Variants in BTRC observed in about 807,000 individuals in gnomAD.
BTRC encodes the protein F-box/WD repeat-containing protein 1A.
In BTRC, 42 loss-of-function variants were observed where a neutral mutation model predicts 85.5. That is an observed-to-expected ratio of 0.49 (90% CI 0.38 to 0.64). The LOEUF is 0.64. Ranked by LOEUF, BTRC falls within the 30% of genes least tolerant of loss-of-function variation. BTRC has a pLI of 0.00. For missense variants in BTRC, 594 were observed against 743.5 expected (o/e 0.80, Z 2.34); for synonymous variants, 255 against 263.3 (o/e 0.97, Z 0.30).
chr10:101,493,225 CA>C (rs990671082), intron 4 of BTRC, among the ~76,000 whole-genome samples: 1 of 151,588 alleles, frequency 6.6e-6, no homozygotes, highest in African/African-American at 2.4e-5. Context: ...TGACTTCAAA[CA>C]AAAAAAAGTG....
chr10:101,514,153 C>CT (rs2061992446), intron 4 of BTRC, among the ~76,000 whole-genome samples: 1 of 152,036 alleles, frequency 6.6e-6, no homozygotes, highest in South Asian at 2.1e-4. Context: ...TCTAAGAGTT[C>CT]TTTATAGATG....
intron 13 of BTRC, among the ~76,000 whole-genome samples, chr10:101,543,734 A>T (rs77274851): frequency 0.012 from 1,851 of 152,082 alleles, 43 homozygotes; most frequent in African/African-American, 0.043. Flanking sequence ...ATTGCAGTCT[A>T]CTATCAGATG....
At chr10:101,363,304 G>A (rs895955761) in intron 1 of BTRC, among the ~76,000 whole-genome samples, 2 of 152,114 alleles carry the variant, frequency 1.3e-5, no homozygotes, top group Non-Finnish European at 2.9e-5. Context: ...CCTTACTTAC[G>A]TGCAGTATAC....
chr10:101,480,080 T>C (rs774471229), intron 4 of BTRC, among the ~76,000 whole-genome samples: 7 of 152,210 alleles, frequency 4.6e-5, no homozygotes, highest in Non-Finnish European at 8.8e-5. Flanking sequence ...CTGAGGAATT[T>C]TGACTAAAAT....
chr10:101,420,511 C>G (rs889572944), intron 1 of BTRC, among the ~76,000 whole-genome samples: 5 of 152,104 alleles, frequency 3.3e-5, no homozygotes, highest in Admixed American at 6.6e-5. Flanking sequence ...GCCATCCCCC[C>G]ACCCTCCACT....
chr10:101,518,059 C>A (rs933485007), intron 4 of BTRC, among the ~76,000 whole-genome samples: 5 of 151,204 alleles, frequency 3.3e-5, no homozygotes, highest in Admixed American at 6.6e-5. Context: ...ACTACAGGCG[C>A]CCGCCACTAC....
At chr10:101,445,693 A>C (rs74155339) in intron 2 of BTRC, among the ~76,000 whole-genome samples, 1 of 152,172 alleles carries the variant, frequency 6.6e-6, no homozygotes, top group African/African-American at 2.4e-5. Context: ...GGAGTTGTGT[A>C]TAATCGCTTT....
At chr10:101,532,493 G>A (rs745421463) in intron 8 of BTRC, 61 bp downstream of exon 8, 46 of 1,483,472 alleles carry the variant, frequency 3.1e-5, no homozygotes, top group African/African-American at 2.1e-4. Context: ...CATTCATAGC[G>A]CAGTCTAAAG....
At chr10:101,529,623 A>G (rs1012801314) in intron 6 of BTRC, among the ~76,000 whole-genome samples, 7 of 152,274 alleles carry the variant, frequency 4.6e-5, no homozygotes, top group South Asian at 2.1e-4. Flanking sequence ...ATGCTGGTGT[A>G]TCATGTTTCA....
At chr10:101,456,961 C>T (rs923064858) in intron 2 of BTRC, among the ~76,000 whole-genome samples, 1 of 152,140 alleles carries the variant, frequency 6.6e-6, no homozygotes, top group African/African-American at 2.4e-5. Flanking sequence ...CCCACTTATT[C>T]ATAGGGGGTA....
intron 6 of BTRC, 65 bp downstream of exon 6, chr10:101,526,264 G>T: frequency 6.8e-7 from 1 of 1,462,610 alleles, no homozygotes; most frequent in Non-Finnish European, 9.3e-7. Flanking sequence ...GTCACTGAAA[G>T]ATTTTTGGGG....
At chr10:101,404,770 G>C (rs1279494359) in intron 1 of BTRC, among the ~76,000 whole-genome samples, 2 of 152,088 alleles carry the variant, frequency 1.3e-5, no homozygotes, top group African/African-American at 4.8e-5. Context: ...AGGCCGAGGT[G>C]GGCGGATCAC....
chr10:101,368,808 C>G (rs1041181793), intron 1 of BTRC, among the ~76,000 whole-genome samples: 2 of 152,070 alleles, frequency 1.3e-5, no homozygotes. Context: ...CGCTTGAGGC[C>G]AGGAGTTCGA....
At chr10:101,512,000 G>A (rs2061962582) in intron 4 of BTRC, among the ~76,000 whole-genome samples, 1 of 152,084 alleles carries the variant, frequency 6.6e-6, no homozygotes, top group South Asian at 2.1e-4. Context: ...ATCCTTACTG[G>A]TTTGTGAAAT....
At position 101,535,390 on chromosome 10, in the gene BTRC, T is replaced by G; in HGVS notation, c.1384T>G (p.Leu462Val). The G allele has an allele frequency of 6.2e-7, 1 of 1,614,092 alleles. No homozygotes were observed. The highest frequency in any genetic ancestry group is 8.5e-7 in the Non-Finnish European group (1 of 1,179,998). Residue 462 changes from leucine (L) to valine (V), a missense_variant, in exon 11 of 15, where the codon TTA becomes GTA. Physicochemically the swap from Leu to Val is conservative, Grantham distance 32 (BLOSUM62 1). Coordinates refer to ENST00000370187, the MANE Select transcript of BTRC (RefSeq NM_033637.4). ...AAGTACTTGTGAATTTGTAAGGACC[T>G]TAAATGGACACAAACGAGGCATTGC... is the stretch of plus-strand genomic sequence containing the variant. ...NTSTCEFVRT[L>V]NGHKRGIACL...
intron 1 of BTRC, among the ~76,000 whole-genome samples, chr10:101,368,117 C>G (rs751392046): frequency 2.0e-5 from 3 of 152,128 alleles, no homozygotes; most frequent in Non-Finnish European, 2.9e-5. Flanking sequence ...GAGGTGCGTT[C>G]CTCATGAAGG....
At chr10:101,528,591 A>G (rs1192135470) in intron 6 of BTRC, among the ~76,000 whole-genome samples, 5 of 152,166 alleles carry the variant, frequency 3.3e-5, no homozygotes. Context: ...ATGAAATTCC[A>G]AATACTTATA....
At chr10:101,483,816 A>G (rs1945910692) in intron 4 of BTRC, among the ~76,000 whole-genome samples, 1 of 152,208 alleles carries the variant, frequency 6.6e-6, no homozygotes, top group South Asian at 2.1e-4. Flanking sequence ...TTTAAAATCC[A>G]TAATCACATT....
At chr10:101,366,909 AAT>A (rs1942431886) in intron 1 of BTRC, among the ~76,000 whole-genome samples, 1 of 19,294 alleles carries the variant, frequency 5.2e-5, no homozygotes, top group East Asian at 1.5e-3. Flanking sequence ...TATATATATT[AAT>A]ATATATTTAT....
Sources: gnomAD v4.1 joint callset for allele counts (sites outside exome capture counted in the v4.1 genomes callset) on GRCh38, gnomAD v4.1.1 for gene constraint, MANE v1.5 for transcripts, NCBI Gene and HGNC (gene_info 2026-07-23, HGNC 2026-07-21) for gene names.